The following ARHGAP15 variants were observed in gnomAD, a reference collection of about 807,000 sequenced individuals.
The protein encoded by ARHGAP15 is rho GTPase-activating protein 15.
A neutral mutation model predicts 63.7 loss-of-function variants in ARHGAP15; 51 were observed. The observed-to-expected ratio is 0.80, with a 90% CI of 0.64 to 1.01. ARHGAP15 has a LOEUF of 1.01. Ranked by LOEUF, ARHGAP15 falls within the 50% of genes least tolerant of loss-of-function variation. ARHGAP15 has a pLI of 0.00. For synonymous variants in ARHGAP15, 191 were observed against 193.8 expected, an observed-to-expected ratio of 0.99 and a Z score of 0.12; for missense variants, 560 against 564.6, an observed-to-expected ratio of 0.99 and a Z score of 0.08.
intron 12 of ARHGAP15, among the ~76,000 whole-genome samples, chr2:143,629,131 G>C (rs1307464920): frequency 6.6e-6 from 1 of 151,668 alleles, no homozygotes; most frequent in African/African-American, 2.4e-5. Context: ...TTATCACATA[G>C]TCCAAGAAGA....
At chr2:143,332,373 C>T (rs968551965) in intron 6 of ARHGAP15, among the ~76,000 whole-genome samples, 7 of 151,998 alleles carry the variant, frequency 4.6e-5, no homozygotes, top group African/African-American at 1.2e-4. Flanking sequence ...CAGACATCCT[C>T]ATATTTTTAA....
chr2:143,737,030 AT>A (rs1216295380), intron 13 of ARHGAP15, among the ~76,000 whole-genome samples: 1 of 152,244 alleles, frequency 6.6e-6, no homozygotes, highest in Admixed American at 6.5e-5. Flanking sequence ...ATTTAATTAA[AT>A]TACATAATTA....
chr2:143,521,125 T>C (rs1171531201), intron 10 of ARHGAP15, among the ~76,000 whole-genome samples: 2 of 152,190 alleles, frequency 1.3e-5, no homozygotes, highest in East Asian at 3.8e-4. Context: ...AATTTGTAGA[T>C]CCAGCACTAA....
intron 6 of ARHGAP15, among the ~76,000 whole-genome samples, chr2:143,374,431 A>G (rs996386718): frequency 2.0e-5 from 3 of 151,944 alleles, no homozygotes; most frequent in African/African-American, 7.3e-5. Context: ...TCTTCTTTGG[A>G]CAATAAGAGT....
intron 5 of ARHGAP15, among the ~76,000 whole-genome samples, chr2:143,234,516 A>T (rs1001243046): frequency 6.6e-6 from 1 of 152,162 alleles, no homozygotes. Flanking sequence ...TGACTATCTC[A>T]ATCTAAATTA....
intron 2 of ARHGAP15, among the ~76,000 whole-genome samples, chr2:143,186,877 A>T (rs984186078): frequency 6.6e-6 from 1 of 152,248 alleles, no homozygotes; most frequent in African/African-American, 2.4e-5. Flanking sequence ...GGGGAACATT[A>T]GTGAGAGAGT....
intron 2 of ARHGAP15, among the ~76,000 whole-genome samples, chr2:143,166,051 A>AAGAG (rs1216283056): frequency 6.6e-6 from 1 of 151,880 alleles, no homozygotes; most frequent in African/African-American, 2.4e-5. Flanking sequence ...AAAAGAAAGA[A>AAGAG]AGAAAGAAAG....
chr2:143,591,614 C>CTTTTTTTTTTTTTTTTTTTTT, intron 11 of ARHGAP15, among the ~76,000 whole-genome samples: 1 of 124,108 alleles, frequency 8.1e-6, no homozygotes, highest in Non-Finnish European at 1.8e-5. Flanking sequence ...TTTGTTTGTT[C>CTTTTTTTTTTTTTTTTTTTTT]TTTTTTTTTT....
chr2:143,216,019 AAAG>A (rs1402737449), intron 3 of ARHGAP15, among the ~76,000 whole-genome samples: 3 of 152,236 alleles, frequency 2.0e-5, no homozygotes, highest in African/African-American at 7.2e-5. Context: ...GGAGGCTTGA[AAAG>A]AAGAACTTTT....
intron 13 of ARHGAP15, among the ~76,000 whole-genome samples, chr2:143,730,302 A>G (rs1685469389): frequency 1.3e-5 from 2 of 152,214 alleles, no homozygotes; most frequent in African/African-American, 4.8e-5. Flanking sequence ...GGAGGCTTAG[A>G]AAGGCCTAGA....
chr2:143,710,317 C>A (rs1399790532), intron 13 of ARHGAP15, among the ~76,000 whole-genome samples: 1 of 152,134 alleles, frequency 6.6e-6, no homozygotes, highest in Admixed American at 6.5e-5. Context: ...CAACTGGACT[C>A]CCATAGCAGA....
chr2:143,294,393 GC>G (rs1416740848), intron 6 of ARHGAP15, among the ~76,000 whole-genome samples: 1 of 152,012 alleles, frequency 6.6e-6, no homozygotes, highest in Non-Finnish European at 1.5e-5. Context: ...CTGTAACAAA[GC>G]CCAAAATAGA....
At chr2:143,307,559 C>T (rs1683230633) in intron 6 of ARHGAP15, among the ~76,000 whole-genome samples, 1 of 152,082 alleles carries the variant, frequency 6.6e-6, no homozygotes, top group Admixed American at 6.6e-5. Context: ...TGATCAAAAC[C>T]TTCTGTCCCA....
intron 6 of ARHGAP15, among the ~76,000 whole-genome samples, chr2:143,278,648 A>G (rs1364792844): frequency 6.6e-6 from 1 of 152,120 alleles, no homozygotes; most frequent in Non-Finnish European, 1.5e-5. Flanking sequence ...ATAGTGCCTC[A>G]AATATTTCTA....
chr2:143,592,005 C>T (rs1426857666), intron 11 of ARHGAP15, among the ~76,000 whole-genome samples: 1 of 152,096 alleles, frequency 6.6e-6, no homozygotes, highest in Non-Finnish European at 1.5e-5. Context: ...CCAAATAAAG[C>T]ACTATAGTCC....
chr2:143,524,509 G>A (rs11898020), intron 10 of ARHGAP15, among the ~76,000 whole-genome samples: 31,996 of 152,144 alleles, frequency 0.21, 3,636 homozygotes, highest in Middle Eastern at 0.28. Flanking sequence ...TTTGTGGTCT[G>A]AGTGGAATGT....
chr2:143,317,405 A>G (rs1273600230), intron 6 of ARHGAP15, among the ~76,000 whole-genome samples: 1 of 152,260 alleles, frequency 6.6e-6, no homozygotes, highest in African/African-American at 2.4e-5. Flanking sequence ...AGAAATAAAT[A>G]CATGAATAAA....
At chr2:143,754,365 G>A (rs997312493) in intron 13 of ARHGAP15, among the ~76,000 whole-genome samples, 3 of 152,178 alleles carry the variant, frequency 2.0e-5, no homozygotes, top group African/African-American at 7.2e-5. Flanking sequence ...AGCAGAGAAA[G>A]TATCTAGTTT....
intron 13 of ARHGAP15, among the ~76,000 whole-genome samples, chr2:143,724,325 C>A (rs1685189098): frequency 6.6e-6 from 1 of 152,158 alleles, no homozygotes; most frequent in African/African-American, 2.4e-5. Context: ...ATACCTAATA[C>A]CTCAAAGGAC....
Sources: allele counts gnomAD v4.1 joint callset (sites outside exome capture counted in the v4.1 genomes callset), GRCh38; gene constraint gnomAD v4.1.1; transcripts MANE v1.5; gene names NCBI Gene and HGNC (gene_info 2026-07-23, HGNC 2026-07-21).